EFHB: variants seen among roughly 807,000 people sequenced by gnomAD.
EFHB encodes the protein EF-hand domain-containing family member B.
In EFHB, 91 loss-of-function variants were observed where a neutral mutation model predicts 87.2. That is an observed-to-expected ratio of 1.04 (90% CI 0.88 to 1.24). The LOEUF (loss-of-function observed/expected upper bound fraction) is 1.24. Among genes scored for constraint, EFHB ranks in the 50% most tolerant of loss-of-function variants. The pLI, the probability that EFHB is intolerant of heterozygous loss-of-function variation, is 0.00. For missense variants in EFHB, 1,084 were observed against 998.8 expected (o/e 1.09, Z -1.15); for synonymous variants, 325 against 333.6 (o/e 0.97, Z 0.28).
In EFHB at chr3:19,910,715, G is replaced by T. The variant is rs181166838; in HGVS notation, c.1288+4588C>A. ...AGCAGTGGTGGCCACAGGGGTACTTGTGTCACTCAACCCCCAGCTTTAGGT... is the reference window on the plus strand; with the variant it reads ...AGCAGTGGTGGCCACAGGGGTACTTTTGTCACTCAACCCCCAGCTTTAGGT... On this transcript the variant is annotated intron_variant, in intron 5 of 12. Coordinates refer to ENST00000295824, the MANE Select transcript of EFHB (RefSeq NM_144715.4). Among the ~76,000 whole-genome samples, 292 of 152,354 alleles carry T rather than the reference G, an allele frequency of 1.9e-3. 1 individual carries two copies. Among genetic ancestry groups the T allele is most frequent in the African/African-American group, 6.6e-3 (275 of 41,574 alleles).
rs149645821 is a variant in EFHB at position 19,899,432 on chromosome 3, G to A, written c.1502C>T (p.Pro501Leu). 515 of 1,586,544 alleles carry A rather than the reference G, an allele frequency of 3.2e-4. 1 individual carries two copies. In the African/African-American group the frequency reaches 5.1e-3, roughly 16 times the overall value. ...AATTTGAAGTTAATCATTAACTTAC[G>A]GATCTAAAACTCTTCCAAGTTTATG... ...FQHKLGRVLD[P>L]IAETMNVPPD... Residue 501 changes from proline (P) to leucine (L), a missense_variant and splice_region_variant, in exon 7 of 13, where the codon CCC becomes CTC. Coordinates refer to ENST00000295824, the MANE Select transcript of EFHB (RefSeq NM_144715.4).
In EFHB at chr3:19,884,321, C is replaced by T. The variant is rs570902003; in HGVS notation, c.2146+82G>A. 1.7e-4 allele frequency: 230 copies of T among 1,319,202 alleles called. 1 individual carries two copies. The highest frequency in any genetic ancestry group is 5.6e-4 in the Middle Eastern group (3 of 5,372). 81.7% of individuals were successfully genotyped at this position (1,319,202 alleles called of 1,614,324 possible). On this transcript the variant is annotated intron_variant, in intron 11 of 12. Coordinates refer to ENST00000295824, the MANE Select transcript of EFHB (RefSeq NM_144715.4). ...CAAAGCTTTGGGAAACTTAATCTAA[C>T]GGAGAAAGGCAGGGGACAATGCAAG...
chr3:19,908,060 CA>C lies in EFHB; in HGVS notation c.1289-2312del, dbSNP rs538018851. Among the ~76,000 whole-genome samples the C allele has an allele frequency of 1.8e-4, 28 of 152,034 alleles. No individual in the cohort carries two copies. In the South Asian group the frequency reaches 5.8e-3, roughly 32 times the overall value. On this transcript the variant is annotated intron_variant, in intron 5 of 12. Coordinates refer to ENST00000295824, the MANE Select transcript of EFHB (RefSeq NM_144715.4). ...TTAAGGAAATAGCCAATCACATTTACAAAGGTATATCAACAATATGTTTTTG... is the reference window on the plus strand; with the variant it reads ...TTAAGGAAATAGCCAATCACATTTACAAGGTATATCAACAATATGTTTTTG...
chr3:19,937,748 C>G (rs988931052), upstream of EFHB, among the ~76,000 whole-genome samples: 1 of 152,166 alleles, frequency 6.6e-6, no homozygotes, highest in African/African-American at 2.4e-5. Flanking sequence ...TCACTTCTCT[C>G]TCTCAGACAT....
At chr3:19,946,923 G>C (rs74722225) in exon 1 of EFHB, 1,761 of 152,650 alleles carry the variant, frequency 0.012, 36 homozygotes, top group African/African-American at 0.04. Context: ...GCGTACCTGG[G>C]GTGGGGGAAG....
chr3:19,918,431 G>A lies in EFHB; in HGVS notation c.997-19C>T. The A allele has an allele frequency of 1.9e-6, 3 of 1,552,718 alleles. No individual in the cohort carries two copies. The highest frequency in any genetic ancestry group is 2.0e-5 in the Admixed American group (1 of 48,840). On this transcript the variant is annotated intron_variant, in intron 3 of 12. Transcript: ENST00000295824. ...TGTTTGCCTAAAGAAATCATACAAT[G>A]CACAAATATATCAACAAAAAAAGTA...
chr3:19,909,015 G>A (rs568427819), intron 5 of EFHB, among the ~76,000 whole-genome samples: 44 of 151,098 alleles, frequency 2.9e-4, no homozygotes, highest in African/African-American at 1.0e-3. Flanking sequence ...TCCCAGTCCC[G>A]TGTCCCAGAC....
Position 19,898,842 on chromosome 3 carries a change from A to G in EFHB, c.1506T>C (p.Ile502=). 6.2e-7 allele frequency: 1 copy of G among 1,613,698 alleles called. No individual in the cohort carries two copies. Among genetic ancestry groups the G allele is most frequent in the Non-Finnish European group, 8.5e-7 (1 of 1,179,736 alleles). Residue 502 remains isoleucine (I), a synonymous_variant, in exon 8 of 13, where the codon ATT becomes ATC. Transcript: ENST00000295824. ...CTGGGGGAACATTCATTGTTTCTGC[A>G]ATGCTATCAAAGAAAACAAATCCTT... ...QHKLGRVLDP[I]AETMNVPPDC...
chr3:19,914,037 G>C (rs1203078901), intron 5 of EFHB, among the ~76,000 whole-genome samples: 1 of 152,132 alleles, frequency 6.6e-6, no homozygotes, highest in Non-Finnish European at 1.5e-5. Flanking sequence ...TGGAACTACT[G>C]GGCTCAAACA....
chr3:19,928,398 A>G (rs2125162157), intron 1 of EFHB, among the ~76,000 whole-genome samples: 1 of 152,354 alleles, frequency 6.6e-6, no homozygotes, highest in Middle Eastern at 3.4e-3. Context: ...AATCACATGT[A>G]ATAGTGAAAC....
upstream of EFHB, among the ~76,000 whole-genome samples, chr3:19,938,863 T>C (rs139722997): frequency 6.6e-6 from 1 of 152,140 alleles, no homozygotes; most frequent in Non-Finnish European, 1.5e-5. Flanking sequence ...ACCCAGGGCG[T>C]GTAGTTCCAC....
intron 8 of EFHB, 149 bp from the exon 9 acceptor site, chr3:19,896,990 T>C (rs1694511859): frequency 4.4e-6 from 3 of 679,822 alleles, no homozygotes; most frequent in Non-Finnish European, 7.2e-6. Flanking sequence ...AGAAAATCCT[T>C]ATGTACTCTA....
At chr3:19,884,066 T>G (rs964391014) in intron 11 of EFHB, among the ~76,000 whole-genome samples, 4 of 152,200 alleles carry the variant, frequency 2.6e-5, no homozygotes, top group Non-Finnish European at 5.9e-5. Flanking sequence ...AAGGCAGATA[T>G]GTATGGAGCT....
intron 1 of EFHB, among the ~76,000 whole-genome samples, chr3:19,921,529 G>A (rs775446843): frequency 3.3e-5 from 5 of 152,076 alleles, no homozygotes; most frequent in East Asian, 1.9e-4. Context: ...TCAAGGAGAT[G>A]ACAAATAAAT....
At chr3:19,900,287 A>G (rs1463578282) in intron 6 of EFHB, among the ~76,000 whole-genome samples, 1 of 152,146 alleles carries the variant, frequency 6.6e-6, no homozygotes, top group Non-Finnish European at 1.5e-5. Context: ...TTTAGCATCA[A>G]ATAAATAAAT....
At chr3:19,929,619 G>A (rs1317632755) in intron 1 of EFHB, among the ~76,000 whole-genome samples, 1 of 142,890 alleles carries the variant, frequency 7.0e-6, no homozygotes, top group Non-Finnish European at 1.5e-5. Context: ...TGAGGCAGGA[G>A]AATTGCTTGA....
chr3:19,884,335 G>A, intron 11 of EFHB, 68 bp downstream of exon 11: 1 of 1,413,396 alleles, frequency 7.1e-7, no homozygotes, highest in Non-Finnish European at 9.7e-7. Context: ...GAAAGGCAGG[G>A]GACAATGCAA....
At chr3:19,882,319 C>A (rs1276496506) in intron 12 of EFHB, among the ~76,000 whole-genome samples, 1 of 152,072 alleles carries the variant, frequency 6.6e-6, no homozygotes, top group Non-Finnish European at 1.5e-5. Context: ...TTCTTCTTTA[C>A]GTGGACCATA....
At chr3:19,916,084 T>A (rs1695221094) in intron 4 of EFHB, among the ~76,000 whole-genome samples, 1 of 152,222 alleles carries the variant, frequency 6.6e-6, no homozygotes, top group Non-Finnish European at 1.5e-5. Flanking sequence ...TTATTTTAGT[T>A]TGCTGCAGAC....
Sources: allele counts gnomAD v4.1 joint callset (sites outside exome capture counted in the v4.1 genomes callset), GRCh38; gene constraint gnomAD v4.1.1; transcripts MANE v1.5; gene names NCBI Gene and HGNC (gene_info 2026-07-23, HGNC 2026-07-21).